The following GALNT13 variants were observed in gnomAD, a reference collection of about 807,000 sequenced individuals.
GALNT13 encodes the protein polypeptide N-acetylgalactosaminyltransferase 13.
A neutral mutation model predicts 64.2 loss-of-function variants in GALNT13; 28 were observed. The ratio of observed to expected loss-of-function variants is 0.44; its 90% confidence interval spans 0.32 to 0.60. The LOEUF is 0.60. GALNT13 is among the 20% of genes least tolerant of loss of function. GALNT13 has a pLI of 0.05. For missense variants in GALNT13, 577 were observed against 669.8 expected, an observed-to-expected ratio of 0.86 and a Z score of 1.53; for synonymous variants, 214 against 224.6, an observed-to-expected ratio of 0.95 and a Z score of 0.42.
chr2:154,252,033 G>A (rs1690096160), intron 7 of GALNT13, among the ~76,000 whole-genome samples: 1 of 151,868 alleles, frequency 6.6e-6, no homozygotes, highest in South Asian at 2.1e-4. Flanking sequence ...ATAATCTATG[G>A]AAAATGTAAT....
At chr2:154,045,842 C>G (rs1435079981) in intron 3 of GALNT13, among the ~76,000 whole-genome samples, 6 of 152,238 alleles carry the variant, frequency 3.9e-5, no homozygotes, top group Admixed American at 3.9e-4. Context: ...ACTTACTCTT[C>G]TTCTCACTCA....
intron 4 of GALNT13, among the ~76,000 whole-genome samples, chr2:154,144,112 TTTTCA>T (rs1683428664): frequency 6.6e-6 from 1 of 152,094 alleles, no homozygotes; most frequent in Non-Finnish European, 1.5e-5. Flanking sequence ...ATGAAAAAAC[TTTTCA>T]TTTTATTTTT....
chr2:153,582,763 T>C, the GALNT13 span, among the ~76,000 whole-genome samples: 1 of 152,150 alleles, frequency 6.6e-6, no homozygotes, highest in Non-Finnish European at 1.5e-5. Flanking sequence ...TAAAAATTAA[T>C]GGCCTGAAAA....
chr2:153,182,066 C>A, the GALNT13 span, among the ~76,000 whole-genome samples: 1 of 149,180 alleles, frequency 6.7e-6, no homozygotes, highest in Non-Finnish European at 1.5e-5. Context: ...CTTTTTGAGG[C>A]GGGGTCTCGC....
chr2:153,972,612 G>T (rs926220461), intron 3 of GALNT13, among the ~76,000 whole-genome samples: 1 of 151,862 alleles, frequency 6.6e-6, no homozygotes, highest in Non-Finnish European at 1.5e-5. Context: ...CAGATGAATT[G>T]GGGATGATGT....
the GALNT13 span, among the ~76,000 whole-genome samples, chr2:153,102,335 C>T: frequency 6.6e-6 from 1 of 151,712 alleles, no homozygotes; most frequent in African/African-American, 2.4e-5. Flanking sequence ...TTTTTACTGT[C>T]TTATGATTTT....
the GALNT13 span, among the ~76,000 whole-genome samples, chr2:153,429,264 G>A: frequency 6.6e-6 from 1 of 152,124 alleles, no homozygotes; most frequent in African/African-American, 2.4e-5. Context: ...TTCATTTTAG[G>A]AAATCAGAGC....
intron 8 of GALNT13, among the ~76,000 whole-genome samples, chr2:154,285,657 C>T (rs543071339): frequency 6.6e-6 from 1 of 152,206 alleles, no homozygotes; most frequent in East Asian, 1.9e-4. Flanking sequence ...ATGTGATGCT[C>T]AAGCTTTGCT....
intron 3 of GALNT13, among the ~76,000 whole-genome samples, chr2:154,061,521 A>C (rs1700183685): frequency 6.6e-6 from 1 of 152,200 alleles, no homozygotes. Flanking sequence ...AAAAATAAAC[A>C]TGGAATGCTC....
the GALNT13 span, among the ~76,000 whole-genome samples, chr2:153,379,897 A>G: frequency 0.27 from 40,681 of 152,058 alleles, 6,700 homozygotes; most frequent in Non-Finnish European, 0.38. Context: ...ATATCCATAA[A>G]GAATATAAAT....
chr2:153,705,520 C>G, the GALNT13 span, among the ~76,000 whole-genome samples: 14 of 152,144 alleles, frequency 9.2e-5, no homozygotes, highest in African/African-American at 3.4e-4. Context: ...TTCAGCTGAC[C>G]TAGGCTGGGT....
the GALNT13 span, among the ~76,000 whole-genome samples, chr2:153,156,821 G>C: frequency 6.6e-6 from 1 of 152,144 alleles, no homozygotes; most frequent in African/African-American, 2.4e-5. Flanking sequence ...CTTTCTCATT[G>C]CATGGAGGTA....
intron 10 of GALNT13, among the ~76,000 whole-genome samples, chr2:154,400,123 G>C (rs1699233653): frequency 6.6e-6 from 1 of 152,136 alleles, no homozygotes. Flanking sequence ...TTGATAATGA[G>C]TTAGAGTTGA....
At chr2:153,608,917 C>CTTTT in the GALNT13 span, among the ~76,000 whole-genome samples, 3 of 130,636 alleles carry the variant, frequency 2.3e-5, no homozygotes, top group African/African-American at 5.6e-5. Context: ...TTTTTTACTT[C>CTTTT]TTTTTTTTTT....
chr2:153,623,937 A>C, the GALNT13 span, among the ~76,000 whole-genome samples: 1 of 151,950 alleles, frequency 6.6e-6, no homozygotes, highest in African/African-American at 2.4e-5. Flanking sequence ...TAAATACCGA[A>C]TTTTCTGCCC....
chr2:153,450,451 C>T, the GALNT13 span, among the ~76,000 whole-genome samples: 1 of 152,088 alleles, frequency 6.6e-6, no homozygotes, highest in African/African-American at 2.4e-5. Flanking sequence ...TCAGAGAAAT[C>T]GTGAACTCAG....
At chr2:154,324,738 C>T (rs921213663) in intron 9 of GALNT13, among the ~76,000 whole-genome samples, 1 of 151,982 alleles carries the variant, frequency 6.6e-6, no homozygotes, top group South Asian at 2.1e-4. Context: ...TCCTGGTGCA[C>T]AGAGCAAAAG....
At chr2:153,685,991 C>T in the GALNT13 span, among the ~76,000 whole-genome samples, 1 of 151,972 alleles carries the variant, frequency 6.6e-6, no homozygotes, top group Non-Finnish European at 1.5e-5. Context: ...TGTTCTGCTC[C>T]ATTGGTCTGT....
chr2:153,812,818 G>T, the GALNT13 span, among the ~76,000 whole-genome samples: 4 of 152,084 alleles, frequency 2.6e-5, no homozygotes, highest in African/African-American at 9.7e-5. Context: ...TTCCCTATGC[G>T]CACAAAGTGT....
Sources: gnomAD v4.1 joint callset for allele counts (sites outside exome capture counted in the v4.1 genomes callset) on GRCh38, gnomAD v4.1.1 for gene constraint, MANE v1.5 for transcripts, NCBI Gene and HGNC (gene_info 2026-07-23, HGNC 2026-07-21) for gene names.